NOX4: variants seen among roughly 807,000 people sequenced by gnomAD.
NOX4 encodes the protein kidney oxidase-1.
In NOX4, 69 loss-of-function variants were observed where a neutral mutation model predicts 87.6. The ratio of observed to expected loss-of-function variants is 0.79; its 90% CI spans 0.65 to 0.96. NOX4 has a LOEUF of 0.96. Ranked by LOEUF, NOX4 falls within the 40% of genes least tolerant of loss-of-function variation. NOX4 has a pLI of 0.00. For missense variants in NOX4, 680 were observed against 681.5 expected, an observed-to-expected ratio of 1.00 and a Z score of 0.02; for synonymous variants, 275 against 238.2, an observed-to-expected ratio of 1.15 and a Z score of -1.42.
At chr11:89,476,006 C>T (rs939708743) in intron 2 of NOX4, among the ~76,000 whole-genome samples, 6 of 152,034 alleles carry the variant, frequency 3.9e-5, no homozygotes, top group African/African-American at 1.4e-4. Flanking sequence ...AAAGAAAATC[C>T]TAATATCCTG....
At chr11:89,538,595 A>G in the NOX4 span, among the ~76,000 whole-genome samples, 1 of 152,212 alleles carries the variant, frequency 6.6e-6, no homozygotes. Flanking sequence ...TCTAAATAGA[A>G]AAGGATGCTT....
chr11:89,379,743 T>C (rs1037388461), intron 11 of NOX4, among the ~76,000 whole-genome samples: 2 of 152,174 alleles, frequency 1.3e-5, no homozygotes, highest in Non-Finnish European at 2.9e-5. Context: ...TTTCACATTA[T>C]ATACAATCCA....
chr11:89,439,976 A>G (rs999305244), intron 6 of NOX4, among the ~76,000 whole-genome samples: 1 of 152,164 alleles, frequency 6.6e-6, no homozygotes, highest in Non-Finnish European at 1.5e-5. Context: ...CTCCATGGAT[A>G]CCCACAGTGC....
the NOX4 span, among the ~76,000 whole-genome samples, chr11:89,580,559 T>C: frequency 9.3e-4 from 141 of 152,312 alleles, 1 homozygote; most frequent in East Asian, 0.025. Context: ...GATAACCTCA[T>C]AAACATTAAA....
the NOX4 span, among the ~76,000 whole-genome samples, chr11:89,503,682 T>C: frequency 2.6e-5 from 4 of 151,530 alleles, no homozygotes; most frequent in African/African-American, 9.7e-5. Context: ...TTTAGACAAG[T>C]AATTTAATAC....
the NOX4 span, among the ~76,000 whole-genome samples, chr11:89,566,737 T>C: frequency 6.6e-6 from 1 of 152,072 alleles, no homozygotes; most frequent in Non-Finnish European, 1.5e-5. Flanking sequence ...AAAGGGAGCA[T>C]GCAGACACTG....
chr11:89,445,835 AC>A (rs1176430628), intron 4 of NOX4, among the ~76,000 whole-genome samples: 1 of 152,266 alleles, frequency 6.6e-6, no homozygotes, highest in East Asian at 1.9e-4. Context: ...AATGTCAGAG[AC>A]ATGATCCATG....
chr11:89,537,326 T>C, the NOX4 span, among the ~76,000 whole-genome samples: 2 of 152,070 alleles, frequency 1.3e-5, no homozygotes, highest in African/African-American at 4.8e-5. Context: ...TATAATAAGG[T>C]GTTTTAATTT....
At chr11:89,399,638 T>C (rs1216735640) in intron 11 of NOX4, among the ~76,000 whole-genome samples, 1 of 149,914 alleles carries the variant, frequency 6.7e-6, no homozygotes, top group Non-Finnish European at 1.5e-5. Context: ...TTTTTTTTTT[T>C]ATTTACTGTA....
rs139453469 is a variant in NOX4 at position 89,402,966 on chromosome 11, G to C, written c.630-424C>G. On this transcript the variant is annotated intron_variant, in intron 8 of 17. Coordinates refer to ENST00000263317, the MANE Select transcript of NOX4 (RefSeq NM_016931.5). The stretch of plus-strand genomic sequence containing the variant: ...AAAATACAGGGAATATATTTAACTT[G>C]GCCAAGCCTGGATAAAACAAGCCTT... Among the ~76,000 whole-genome samples, 124 of 152,198 alleles carry C rather than the reference G, an allele frequency of 8.1e-4. 1 individual carries two copies. Among genetic ancestry groups the C allele is most frequent in the African/African-American group, 3.0e-3 (123 of 41,554 alleles).
chr11:89,450,173 A>G (rs773106075), intron 3 of NOX4, among the ~76,000 whole-genome samples: 5 of 152,148 alleles, frequency 3.3e-5, no homozygotes, highest in African/African-American at 7.2e-5. Flanking sequence ...AGCCAAACCA[A>G]TAGCCAACCA....
In NOX4 at chr11:89,491,313, C is replaced by A; in HGVS notation, c.-67G>T. The A allele has an allele frequency of 6.9e-7, 1 of 1,452,412 alleles. No homozygotes were observed. 90.0% of individuals were successfully genotyped at this position (1,452,412 alleles called of 1,614,324 possible). ...GAGAAGGAGCGGGCGGCGGCCGGGG[C>A]AGCGGTTACAGTTGTGCGGCCTGCC... On this transcript the variant is annotated 5_prime_UTR_variant, in exon 1 of 18. Coordinates refer to ENST00000263317, the MANE Select transcript of NOX4 (RefSeq NM_016931.5).
the NOX4 span, among the ~76,000 whole-genome samples, chr11:89,517,027 G>C: frequency 1.3e-5 from 2 of 151,610 alleles, no homozygotes; most frequent in Non-Finnish European, 2.9e-5. Context: ...TGTTTTCTAA[G>C]ATGTTGAATA....
At chr11:89,358,779 A>G (rs915900817) in intron 12 of NOX4, among the ~76,000 whole-genome samples, 2 of 151,884 alleles carry the variant, frequency 1.3e-5, no homozygotes, top group Admixed American at 6.6e-5. Context: ...AAAAAGATAT[A>G]TTAATGCTAC....
chr11:89,401,703 C>T (rs1941864582), intron 9 of NOX4, among the ~76,000 whole-genome samples: 1 of 152,108 alleles, frequency 6.6e-6, no homozygotes, highest in Non-Finnish European at 1.5e-5. Flanking sequence ...CCTGGGTTTA[C>T]ATGCTTCCTC....
At chr11:89,542,685 C>A in the NOX4 span, among the ~76,000 whole-genome samples, 1 of 152,136 alleles carries the variant, frequency 6.6e-6, no homozygotes, top group South Asian at 2.1e-4. Context: ...CCTTTCTTCA[C>A]TGCCTGGAAC....
chr11:89,538,228 C>G, the NOX4 span, among the ~76,000 whole-genome samples: 3 of 152,188 alleles, frequency 2.0e-5, no homozygotes, highest in African/African-American at 4.8e-5. Flanking sequence ...TTGCTCTTCA[C>G]AGCCTACATG....
intron 14 of NOX4, among the ~76,000 whole-genome samples, chr11:89,341,044 TATCA>T (rs1463719647): frequency 6.6e-6 from 1 of 151,986 alleles, no homozygotes; most frequent in Non-Finnish European, 1.5e-5. Flanking sequence ...TTCATAAGAA[TATCA>T]ATCAATTAAC....
chr11:89,561,046 C>CATAA, the NOX4 span, among the ~76,000 whole-genome samples: 1 of 25,682 alleles, frequency 3.9e-5, no homozygotes, highest in Non-Finnish European at 6.5e-5. Flanking sequence ...ACACATATAT[C>CATAA]ATACATATAT....
Sources: gnomAD v4.1 joint callset for allele counts (sites outside exome capture counted in the v4.1 genomes callset) on GRCh38, gnomAD v4.1.1 for gene constraint, MANE v1.5 for transcripts, NCBI Gene and HGNC (gene_info 2026-07-23, HGNC 2026-07-21) for gene names.